The following MCM8 variants were observed in gnomAD, a reference collection of about 807,000 sequenced individuals.
MCM8 encodes the protein DNA helicase MCM8.
A neutral mutation model predicts 98.9 loss-of-function variants in MCM8; 85 were observed. The observed-to-expected ratio is 0.86, with a 90% CI of 0.72 to 1.03. MCM8 has a LOEUF of 1.03. MCM8 is among the 50% of genes least tolerant of loss of function. The pLI is 0.00. For synonymous variants in MCM8, 352 were observed against 338.6 expected, an observed-to-expected ratio of 1.04 and a Z score of -0.44; for missense variants, 951 against 997.8, an observed-to-expected ratio of 0.95 and a Z score of 0.63.
rs1664048317 is a variant in MCM8, at chr20:5,952,543, G to T, written c.253+15G>T. ...TTTCTCTGAAGGTAGGGTTTAAAAA[G>T]TACAAAAAAGCACCATAAATCATAT... On this transcript the variant is annotated intron_variant, in intron 3 of 18. Coordinates refer to ENST00000610722, the MANE Select transcript of MCM8 (RefSeq NM_032485.6). The T allele has an allele frequency of 2.5e-6, 4 of 1,592,712 alleles. No homozygotes were observed. The highest frequency in any genetic ancestry group is 2.7e-5 in the African/African-American group (2 of 74,024).
At chr20:5,956,930 A>G (rs1171442232) in intron 5 of MCM8, among the ~76,000 whole-genome samples, 196 bp from the exon 6 acceptor site, 1 of 152,132 alleles carries the variant, frequency 6.6e-6, no homozygotes, top group Non-Finnish European at 1.5e-5. Flanking sequence ...CAGCACAGGG[A>G]CAGCAAAATC....
At chr20:5,973,343 T>C (rs1222234877) in intron 12 of MCM8, 147 bp downstream of exon 12, 3 of 972,552 alleles carry the variant, frequency 3.1e-6, no homozygotes, top group Non-Finnish European at 3.0e-6. Context: ...GTGAGTAATA[T>C]GTAACTTATA....
intron 13 of MCM8, among the ~76,000 whole-genome samples, chr20:5,981,125 C>T (rs1568591813): frequency 6.6e-6 from 1 of 152,200 alleles, no homozygotes; most frequent in Non-Finnish European, 1.5e-5. Flanking sequence ...AAAAGGCTTA[C>T]CAGCTCCTGC....
intron 1 of MCM8, 73 bp from the exon 2 acceptor site, chr20:5,951,938 T>C (rs911591604): frequency 6.7e-7 from 1 of 1,486,638 alleles, no homozygotes; most frequent in Non-Finnish European, 9.0e-7. Flanking sequence ...TTTTCCCTTT[T>C]TATTAATACA....
At chr20:5,952,226 C>T (rs1338973360) in intron 2 of MCM8, 63 bp downstream of exon 2, 1 of 1,596,140 alleles carries the variant, frequency 6.3e-7, no homozygotes, top group African/African-American at 1.3e-5. Flanking sequence ...GTCTATCATA[C>T]AAGGCGGTTT....
At chr20:5,956,083 C>A (rs16991588) in intron 5 of MCM8, among the ~76,000 whole-genome samples, 3,678 of 152,232 alleles carry the variant, frequency 0.024, 134 homozygotes, top group African/African-American at 0.077. Context: ...ATTTTTTAGG[C>A]TAGCAAACAG....
At chr20:5,983,191 T>A (rs1341404416) in intron 14 of MCM8, 26 bp downstream of exon 14, 2 of 1,553,280 alleles carry the variant, frequency 1.3e-6, no homozygotes, top group Admixed American at 3.6e-5. Context: ...TATTTATACC[T>A]TTAATGTATT....
At chr20:5,973,229 T>C in intron 12 of MCM8, 33 bp downstream of exon 12, 1 of 1,607,640 alleles carries the variant, frequency 6.2e-7, no homozygotes, top group Non-Finnish European at 8.5e-7. Flanking sequence ...TTTGTTCTTT[T>C]GCTTGTAAAA....
chr20:5,953,730 CCCAAAGTGCTAGGATT>C (rs2088895895), intron 3 of MCM8, among the ~76,000 whole-genome samples: 1 of 152,026 alleles, frequency 6.6e-6, no homozygotes, highest in Admixed American at 6.6e-5. Flanking sequence ...GCCTCGGCCT[CCCAAAGTGCTAGGATT>C]CCAGACGTGA....
intron 13 of MCM8, among the ~76,000 whole-genome samples, chr20:5,980,426 C>G (rs1440654290): frequency 3.3e-5 from 5 of 151,944 alleles, no homozygotes; most frequent in Admixed American, 3.3e-4. Flanking sequence ...GCATTTATAT[C>G]TAGTAAATAT....
intron 7 of MCM8, among the ~76,000 whole-genome samples, chr20:5,962,112 C>A (rs2089158862): frequency 6.6e-6 from 1 of 152,144 alleles, no homozygotes; most frequent in Non-Finnish European, 1.5e-5. Context: ...ATCTTCTTCT[C>A]CATGTGGCTG....
At chr20:5,982,852 T>C (rs529248411) in intron 13 of MCM8, 118 bp from the exon 14 acceptor site, 2 of 852,308 alleles carry the variant, frequency 2.3e-6, no homozygotes, top group South Asian at 3.5e-5. Context: ...TGACATTTTA[T>C]AATTTTAACT....
intron 7 of MCM8, among the ~76,000 whole-genome samples, chr20:5,959,806 C>T (rs1411202758): frequency 1.4e-5 from 2 of 147,626 alleles, no homozygotes; most frequent in Admixed American, 7.1e-5. Flanking sequence ...TCAAGCAGTT[C>T]TCCTGCCTCA....
At chr20:5,978,592 C>T (rs1241151847) in intron 13 of MCM8, among the ~76,000 whole-genome samples, 1 of 151,056 alleles carries the variant, frequency 6.6e-6, no homozygotes, top group African/African-American at 2.4e-5. Context: ...GAGACAGAGT[C>T]TTGCTCTGTC....
At chr20:5,964,172 TCC>T (rs2089223442) in intron 8 of MCM8, among the ~76,000 whole-genome samples, 1 of 151,046 alleles carries the variant, frequency 6.6e-6, no homozygotes, top group Non-Finnish European at 1.5e-5. Context: ...GTGTTTTTCA[TCC>T]CATAATTGAT....
Position 5,973,145 on chromosome 20 carries a change from C to T in MCM8, c.1344C>T (p.Pro448=), listed in dbSNP as rs2089441279. 1 of 1,614,200 alleles carries T rather than the reference C, an allele frequency of 6.2e-7. No individual in the cohort carries two copies. The highest frequency in any genetic ancestry group is 8.5e-7 in the Non-Finnish European group (1 of 1,180,030). Residue 448 remains proline (P), a synonymous_variant, in exon 12 of 19, where the codon CCC becomes CCT. Coordinates refer to ENST00000610722, the MANE Select transcript of MCM8 (RefSeq NM_032485.6). ...DKNRIPIRGD[P]HILVVGDPGL... ...ACAGAATTCCAATTCGGGGAGACCC[C>T]CACATCCTTGTTGTTGGAGATCCAG...
chr20:5,958,337 C>T (rs1051096821), intron 6 of MCM8, among the ~76,000 whole-genome samples, 191 bp from the exon 7 acceptor site: 1 of 152,190 alleles, frequency 6.6e-6, no homozygotes, highest in African/African-American at 2.4e-5. Context: ...CCCCTGCACT[C>T]CAGCCTGGCA....
intron 13 of MCM8, 45 bp from the exon 14 acceptor site, chr20:5,982,925 C>T (rs2089656663): frequency 6.5e-7 from 1 of 1,533,092 alleles, no homozygotes; most frequent in Non-Finnish European, 8.8e-7. Flanking sequence ...TGGAACTTGA[C>T]CAAAGAAAAA....
rs2089193766 is a variant in MCM8 at position 5,963,282 on chromosome 20, G to A, written c.798G>A (p.Val266=). 1.2e-6 allele frequency: 2 copies of A among 1,613,366 alleles called. No homozygotes were observed. The highest frequency in any genetic ancestry group is 1.7e-6 in the Non-Finnish European group (2 of 1,179,374). Residue 266 remains valine, a synonymous_variant, in exon 8 of 19, where the codon GTG becomes GTA. Coordinates refer to ENST00000610722, the MANE Select transcript of MCM8 (RefSeq NM_032485.6). Reference sequence around the variant, plus strand: ...ACTTTTGTTTCATTCAGTGTCCTGTGCCTGTGTGTCGAGGCAGGTCATTTA... The same window carrying A: ...ACTTTTGTTTCATTCAGTGTCCTGTACCTGTGTGTCGAGGCAGGTCATTTA... The part of the protein sequence containing the change: ...GKYSLPTKCP[V]PVCRGRSFTA...
Sources: gnomAD v4.1 joint callset for allele counts (sites outside exome capture counted in the v4.1 genomes callset) on GRCh38, gnomAD v4.1.1 for gene constraint, MANE v1.5 for transcripts, NCBI Gene and HGNC (gene_info 2026-07-23, HGNC 2026-07-21) for gene names.